The following BANK1 variants were observed in gnomAD, a reference collection of about 807,000 sequenced individuals.
BANK1 encodes the protein B cell scaffold protein with ankyrin repeats 1, also known as B-cell scaffold protein with ankyrin repeats.
Under a neutral mutation model 94.5 loss-of-function variants are expected in BANK1, and 95 were observed. The ratio of observed to expected loss-of-function variants is 1.00; its 90% confidence interval spans 0.85 to 1.19. The LOEUF (loss-of-function observed/expected upper bound fraction) is 1.19. BANK1 is among the 50% of genes most tolerant of loss of function. The probability of loss-of-function intolerance (pLI) is 0.00; values close to 1 mark genes in which losing one functional copy is unlikely to be tolerated. For missense variants in BANK1, 987 were observed against 932.2 expected, an observed-to-expected ratio of 1.06 and a Z score of -0.77; for synonymous variants, 334 against 308.4, an observed-to-expected ratio of 1.08 and a Z score of -0.87.
chr4:101,997,450 G>A (rs1180337581), intron 7 of BANK1, among the ~76,000 whole-genome samples: 1 of 152,142 alleles, frequency 6.6e-6, no homozygotes, highest in Admixed American at 6.5e-5. Flanking sequence ...CTCATAAAAT[G>A]AGTTAGGGAG....
chr4:101,909,998 T>C (rs542852485), intron 6 of BANK1, among the ~76,000 whole-genome samples: 1 of 152,302 alleles, frequency 6.6e-6, no homozygotes, highest in East Asian at 1.9e-4. Flanking sequence ...CTTTGCAGTT[T>C]TATTTAGTTC....
chr4:102,023,297 T>C (rs1323825659), intron 8 of BANK1, among the ~76,000 whole-genome samples: 1 of 152,174 alleles, frequency 6.6e-6, no homozygotes, highest in Non-Finnish European at 1.5e-5. Context: ...ACACAAAAAA[T>C]GCTAAATATT....
chr4:101,885,731 T>TAACAATGGG (rs1728826160), intron 5 of BANK1, among the ~76,000 whole-genome samples: 1 of 152,260 alleles, frequency 6.6e-6, no homozygotes, highest in Non-Finnish European at 1.5e-5. Context: ...GTGCATTGGC[T>TAACAATGGG]AACAATGGGA....
At chr4:102,025,097 A>G (rs2148948158) in intron 8 of BANK1, 104 bp from the exon 9 acceptor site, 2 of 1,248,208 alleles carry the variant, frequency 1.6e-6, no homozygotes, top group Non-Finnish European at 2.2e-6. Context: ...TCAGGTCATA[A>G]AAGTTTTATT....
At chr4:101,952,612 A>G (rs1480288895) in intron 7 of BANK1, among the ~76,000 whole-genome samples, 1 of 152,160 alleles carries the variant, frequency 6.6e-6, no homozygotes, top group Non-Finnish European at 1.5e-5. Flanking sequence ...GTAGACTCCA[A>G]GAAGACAGAA....
intron 3 of BANK1, among the ~76,000 whole-genome samples, chr4:101,857,779 C>A (rs1026194142): frequency 2.6e-5 from 4 of 152,178 alleles, no homozygotes; most frequent in Middle Eastern, 3.2e-3. Flanking sequence ...TTATCTGTGT[C>A]TTTGAGAAAT....
chr4:101,917,273 G>A, intron 6 of BANK1, among the ~76,000 whole-genome samples: 1 of 151,944 alleles, frequency 6.6e-6, no homozygotes, highest in African/African-American at 2.4e-5. Context: ...CAAAAGTATA[G>A]AATAATAACA....
chr4:101,914,956 A>T (rs749830791), intron 6 of BANK1, among the ~76,000 whole-genome samples: 1 of 152,158 alleles, frequency 6.6e-6, no homozygotes, highest in Non-Finnish European at 1.5e-5. Flanking sequence ...CTGAAATAAG[A>T]AGGCATATGG....
Position 101,918,323 on chromosome 4 carries a change from CA to C in BANK1, c.1206+135del. On this transcript the variant is annotated intron_variant, in intron 7 of 16. Transcript: ENST00000322953. ...TAAGGCACTATTAGGCACATGAAAACATATCAATAATCGTTAGGTTGCAGAA... is the reference window on the plus strand; with the variant it reads ...TAAGGCACTATTAGGCACATGAAAACTATCAATAATCGTTAGGTTGCAGAA... 1.5e-5 allele frequency: 7 copies of C among 472,484 alleles called. No individual in the cohort carries two copies. The East Asian group carries it at 2.0e-4, about 13-fold the overall frequency. 29.3% of individuals were successfully genotyped at this position (472,484 alleles called of 1,614,324 possible). A position where few individuals can be genotyped will look rare whatever the true frequency, so the allele number is the denominator to read the frequency against.
chr4:102,065,258 C>T (rs1277604871), intron 13 of BANK1, among the ~76,000 whole-genome samples: 1 of 152,094 alleles, frequency 6.6e-6, no homozygotes, highest in Non-Finnish European at 1.5e-5. Flanking sequence ...TAGACATGCC[C>T]TAACAAAATC....
chr4:101,925,172 AT>A (rs1560635601), intron 7 of BANK1, among the ~76,000 whole-genome samples: 1 of 151,672 alleles, frequency 6.6e-6, no homozygotes, highest in African/African-American at 2.4e-5. Flanking sequence ...TTGAATATCT[AT>A]TCTCACTTTT....
intron 7 of BANK1, among the ~76,000 whole-genome samples, chr4:101,962,900 G>A (rs1359823542): frequency 6.6e-6 from 1 of 152,054 alleles, no homozygotes; most frequent in African/African-American, 2.4e-5. Context: ...ATTGATATAT[G>A]TATTTGAAAT....
chr4:102,011,473 T>C (rs1381258988), intron 7 of BANK1, among the ~76,000 whole-genome samples: 2 of 152,200 alleles, frequency 1.3e-5, no homozygotes, highest in Non-Finnish European at 2.9e-5. Flanking sequence ...TGAGGCTCAT[T>C]GTGCAGTACT....
intron 7 of BANK1, among the ~76,000 whole-genome samples, chr4:101,918,701 G>A (rs191994565): frequency 3.9e-5 from 6 of 151,952 alleles, no homozygotes; most frequent in Non-Finnish European, 7.4e-5. Context: ...AAATATAATG[G>A]GACAATGATT....
At chr4:102,021,159 G>C (rs1726883644) in intron 7 of BANK1, among the ~76,000 whole-genome samples, 1 of 152,048 alleles carries the variant, frequency 6.6e-6, no homozygotes, top group South Asian at 2.1e-4. Context: ...AAAAGATATA[G>C]AATGTTCAAA....
intron 5 of BANK1, among the ~76,000 whole-genome samples, chr4:101,894,232 T>C (rs1054955628): frequency 1.3e-5 from 2 of 152,048 alleles, no homozygotes; most frequent in Admixed American, 1.3e-4. Context: ...TTTCCCTTCT[T>C]TTTTAAAAAA....
chr4:101,853,077 A>G (rs546920183), intron 2 of BANK1, among the ~76,000 whole-genome samples: 1 of 152,252 alleles, frequency 6.6e-6, no homozygotes, highest in Non-Finnish European at 1.5e-5. Flanking sequence ...AGAGAGAGAG[A>G]GAGAAAGAAA....
chr4:102,031,510 G>T (rs1727310650), intron 10 of BANK1, among the ~76,000 whole-genome samples: 1 of 152,132 alleles, frequency 6.6e-6, no homozygotes, highest in Non-Finnish European at 1.5e-5. Context: ...TGAAGTCCTT[G>T]CCCATGTACT....
At chr4:101,821,442 ACT>A (rs1726143629) in intron 1 of BANK1, among the ~76,000 whole-genome samples, 1 of 151,046 alleles carries the variant, frequency 6.6e-6, no homozygotes, top group Non-Finnish European at 1.5e-5. Flanking sequence ...CTGTTCAGAA[ACT>A]CTTGTTTAAT....
Sources: allele counts gnomAD v4.1 joint callset (sites outside exome capture counted in the v4.1 genomes callset), GRCh38; gene constraint gnomAD v4.1.1; transcripts MANE v1.5; gene names NCBI Gene and HGNC (gene_info 2026-07-23, HGNC 2026-07-21).